Variants in ARHGAP42 observed in about 807,000 individuals in gnomAD.
ARHGAP42 encodes the protein rho GTPase-activating protein 42.
ARHGAP42 carries 63 observed loss-of-function variants against 125.0 expected under a neutral mutation model. The observed-to-expected ratio is 0.50, with a 90% CI of 0.41 to 0.62. The LOEUF (loss-of-function observed/expected upper bound fraction) is 0.62. Among genes scored for constraint, ARHGAP42 ranks in the 20% least tolerant of loss-of-function variants. The probability of loss-of-function intolerance (pLI) is 0.00; values close to 1 mark genes in which losing one functional copy is unlikely to be tolerated. For synonymous variants in ARHGAP42, 339 were observed against 351.0 expected, an observed-to-expected ratio of 0.97 and a Z score of 0.38; for missense variants, 766 against 1,024.2, an observed-to-expected ratio of 0.75 and a Z score of 3.44.
chr11:100,896,993 A>T (rs1183601912), intron 4 of ARHGAP42, among the ~76,000 whole-genome samples: 1 of 152,220 alleles, frequency 6.6e-6, no homozygotes, highest in Non-Finnish European at 1.5e-5. Context: ...TAAGTCTTTA[A>T]TCCATCTTGA....
chr11:100,912,542 G>A (rs1429708075), intron 4 of ARHGAP42, among the ~76,000 whole-genome samples: 1 of 152,076 alleles, frequency 6.6e-6, no homozygotes, highest in Non-Finnish European at 1.5e-5. Context: ...TACTTCTTTG[G>A]CCAATGAAAT....
chr11:100,752,692 C>T (rs756621149), intron 1 of ARHGAP42, among the ~76,000 whole-genome samples: 14 of 152,234 alleles, frequency 9.2e-5, no homozygotes, highest in Non-Finnish European at 1.6e-4. Flanking sequence ...GGGGGCGTGA[C>T]ATACACTCTG....
chr11:100,702,323 C>A (rs1427162185), intron 1 of ARHGAP42, among the ~76,000 whole-genome samples: 1 of 152,082 alleles, frequency 6.6e-6, no homozygotes, highest in East Asian at 1.9e-4. Flanking sequence ...AAAACACACA[C>A]AACATTTATT....
Position 100,973,157 on chromosome 11 carries a change from G to T in ARHGAP42, c.1551-18G>T, listed in dbSNP as rs1441467640. 6.7e-7 allele frequency: 1 copy of T among 1,491,832 alleles called. No individual in the cohort carries two copies. The highest frequency in any genetic ancestry group is 8.9e-7 in the Non-Finnish European group (1 of 1,117,480). 92.4% of individuals were successfully genotyped at this position (1,491,832 alleles called of 1,614,324 possible). ...GAAACATATAACTTAAGATATTTTT[G>T]TTGCTTTTTATTTGCAGAGTATCAC... is the stretch of plus-strand genomic sequence containing the variant. On this transcript the variant is annotated intron_variant, in intron 17 of 23. Coordinates refer to ENST00000298815, the MANE Select transcript of ARHGAP42 (RefSeq NM_152432.4).
At chr11:100,955,186 T>C (rs971279951) in intron 12 of ARHGAP42, among the ~76,000 whole-genome samples, 2 of 151,392 alleles carry the variant, frequency 1.3e-5, no homozygotes, top group Admixed American at 6.6e-5. Context: ...TTATGGAAAT[T>C]TTTTTAAGGT....
At chr11:100,971,543 A>G (rs1291547682) in intron 17 of ARHGAP42, among the ~76,000 whole-genome samples, 1 of 152,180 alleles carries the variant, frequency 6.6e-6, no homozygotes, top group African/African-American at 2.4e-5. Context: ...CAGCAGAAAG[A>G]AAATTCAATA....
At chr11:100,692,048 A>G (rs1232301200) in intron 1 of ARHGAP42, among the ~76,000 whole-genome samples, 1 of 152,194 alleles carries the variant, frequency 6.6e-6, no homozygotes, top group African/African-American at 2.4e-5. Flanking sequence ...ACTGAATTGA[A>G]TTGTTTGGGT....
intron 4 of ARHGAP42, among the ~76,000 whole-genome samples, chr11:100,877,307 G>A (rs1865842369): frequency 6.6e-6 from 1 of 152,066 alleles, no homozygotes; most frequent in African/African-American, 2.4e-5. Context: ...CTCTTATGTT[G>A]CTTACCTTAC....
At chr11:100,753,224 G>T (rs562671659) in intron 1 of ARHGAP42, among the ~76,000 whole-genome samples, 24 of 152,272 alleles carry the variant, frequency 1.6e-4, no homozygotes, top group African/African-American at 5.8e-4. Flanking sequence ...AGCTTCTGCT[G>T]CACAGAAGAG....
intron 1 of ARHGAP42, among the ~76,000 whole-genome samples, chr11:100,688,321 C>T (rs1424988168): frequency 6.6e-6 from 1 of 152,138 alleles, no homozygotes; most frequent in African/African-American, 2.4e-5. Context: ...AAAAAGCATA[C>T]ATTTGCAGTT....
intron 3 of ARHGAP42, among the ~76,000 whole-genome samples, chr11:100,837,356 T>A (rs931418730): frequency 6.6e-6 from 1 of 152,142 alleles, no homozygotes; most frequent in African/African-American, 2.4e-5. Flanking sequence ...TATATACATA[T>A]TTTTTTCTTG....
rs57293905 is a variant in ARHGAP42 at position 100,728,714 on chromosome 11, GTATATATATATATATATATATATA to G, written c.154+40902_154+40925del. Among the ~76,000 whole-genome samples, 50 of 70,404 alleles carry G rather than the reference GTATATATATATATATATATATATA, an allele frequency of 7.1e-4. 2 individuals carry two copies. In the South Asian group the frequency reaches 0.019, roughly 27 times the overall value. 46.2% of individuals were successfully genotyped at this position (70,404 alleles called of 152,430 possible). On this transcript the variant is annotated intron_variant, in intron 1 of 23. Coordinates refer to ENST00000298815, the MANE Select transcript of ARHGAP42 (RefSeq NM_152432.4). ...AGTGAAATTATATGAATGACTTTGC[GTATATATATATATATATATATATA>G]TATATATATATATATATATGCACAC... is the stretch of plus-strand genomic sequence containing the variant.
At chr11:100,956,712 A>G (rs1157574642) in intron 12 of ARHGAP42, among the ~76,000 whole-genome samples, 1 of 152,178 alleles carries the variant, frequency 6.6e-6, no homozygotes, top group African/African-American at 2.4e-5. Context: ...TTATTGGAGT[A>G]TAATGAGCAC....
At chr11:100,862,967 G>A (rs1865478536) in intron 4 of ARHGAP42, among the ~76,000 whole-genome samples, 1 of 150,704 alleles carries the variant, frequency 6.6e-6, no homozygotes, top group Non-Finnish European at 1.5e-5. Flanking sequence ...AACCTAGGAG[G>A]CAGAGGTTGC....
chr11:100,747,075 G>A (rs1862322346), intron 1 of ARHGAP42, among the ~76,000 whole-genome samples: 4 of 152,184 alleles, frequency 2.6e-5, no homozygotes, highest in Admixed American at 1.3e-4. Context: ...CCAGGGCCAT[G>A]CTGATGTATT....
chr11:100,753,944 T>C (rs1222784227), intron 1 of ARHGAP42, among the ~76,000 whole-genome samples: 3 of 152,236 alleles, frequency 2.0e-5, no homozygotes, highest in Admixed American at 1.3e-4. Context: ...TCCTGTTAAG[T>C]TCCTGCATTG....
intron 4 of ARHGAP42, among the ~76,000 whole-genome samples, chr11:100,878,235 T>G (rs1865871202): frequency 6.6e-6 from 1 of 151,910 alleles, no homozygotes; most frequent in South Asian, 2.1e-4. Context: ...TTCAAGTGAT[T>G]CTCCTGCCTC....
intron 16 of ARHGAP42, among the ~76,000 whole-genome samples, chr11:100,964,683 A>C (rs1218362860): frequency 1.3e-5 from 2 of 152,234 alleles, no homozygotes; most frequent in African/African-American, 4.8e-5. Context: ...TCCAGCAGAC[A>C]TGTCAACATC....
chr11:100,890,986 T>G (rs1396334016), intron 4 of ARHGAP42, among the ~76,000 whole-genome samples: 1 of 152,184 alleles, frequency 6.6e-6, no homozygotes, highest in East Asian at 1.9e-4. Flanking sequence ...TCATAATGAG[T>G]TGCACTCAGC....
Sources: allele counts gnomAD v4.1 joint callset (sites outside exome capture counted in the v4.1 genomes callset), GRCh38; gene constraint gnomAD v4.1.1; transcripts MANE v1.5; gene names NCBI Gene and HGNC (gene_info 2026-07-23, HGNC 2026-07-21).